Variants in CLCN4 observed in about 807,000 individuals in gnomAD.
CLCN4 encodes H(+)/Cl(-) exchange transporter 4.
Under a neutral mutation model 41.7 loss-of-function variants are expected in CLCN4, and 1 was observed. The ratio of observed to expected loss-of-function variants is 0.02; its 90% CI spans 0.01 to 0.11. The LOEUF is 0.11. Among genes scored for constraint, CLCN4 ranks in the 10% least tolerant of loss-of-function variants. CLCN4 has a pLI of 1.00. For synonymous variants in CLCN4, 277 were observed against 285.8 expected, an observed-to-expected ratio of 0.97 and a Z score of 0.31; for missense variants, 287 against 661.0, an observed-to-expected ratio of 0.43 and a Z score of 6.20.
At position 10,173,461 on chromosome X, in the gene CLCN4, G is replaced by T. The variant is rs1039298692; in HGVS notation, c.-11-11561G>T. ...TTTCTGAATGCTCCCACGTGGTTCGGCTGCGCACCCCGGGCTGGGAACCGT... is the reference window on the plus strand; with the variant it reads ...TTTCTGAATGCTCCCACGTGGTTCGTCTGCGCACCCCGGGCTGGGAACCGT... On this transcript the variant is annotated intron_variant, in intron 2 of 12. Coordinates refer to ENST00000380833, the MANE Select transcript of CLCN4 (RefSeq NM_001830.4). 2.7e-5 allele frequency among the ~76,000 whole-genome samples: 3 copies of T among 110,693 alleles called. No homozygotes were observed. The South Asian group carries it at 1.2e-3, about 43-fold the overall frequency.
intron 2 of CLCN4, among the ~76,000 whole-genome samples, chrX:10,182,456 C>T (rs1172053861): frequency 4.4e-5 from 5 of 112,378 alleles, no homozygotes; most frequent in Admixed American, 9.4e-5. Flanking sequence ...GATGGAGTCT[C>T]GCTCTGTCGC....
intron 12 of CLCN4, among the ~76,000 whole-genome samples, chrX:10,221,234 A>G (rs1924853259): frequency 8.9e-6 from 1 of 111,910 alleles, no homozygotes. Context: ...GCGGTCCTCA[A>G]AATCACAGCA....
At chrX:10,230,222 G>A (rs1925093748) in intron 12 of CLCN4, among the ~76,000 whole-genome samples, 1 of 111,468 alleles carries the variant, frequency 9.0e-6, no homozygotes, top group Admixed American at 9.5e-5. Context: ...TCTTCACTTT[G>A]TTGATTGGGA....
intron 2 of CLCN4, among the ~76,000 whole-genome samples, chrX:10,168,226 C>A (rs1923297608): frequency 8.9e-6 from 1 of 112,029 alleles, no homozygotes; most frequent in South Asian, 3.7e-4. Context: ...TCCCCAAATG[C>A]CAGTGGGGTT....
chrX:10,178,968 A>G (rs1198657955), intron 2 of CLCN4, among the ~76,000 whole-genome samples: 1 of 112,523 alleles, frequency 8.9e-6, no homozygotes. Context: ...CTAGATGTTA[A>G]GGGCCATAAT....
At chrX:10,199,095 A>C (rs1924170885) in intron 6 of CLCN4, among the ~76,000 whole-genome samples, 1 of 112,631 alleles carries the variant, frequency 8.9e-6, no homozygotes, top group South Asian at 3.6e-4. Flanking sequence ...TGTCATGCTG[A>C]ATTTTTGATG....
chrX:10,160,480 C>T (rs751482861), intron 2 of CLCN4, among the ~76,000 whole-genome samples: 7 of 110,126 alleles, frequency 6.4e-5, no homozygotes, highest in Middle Eastern at 4.6e-3. Flanking sequence ...GGAAACCTGC[C>T]GGGGCTTCGT....
rs193184048 is a variant in CLCN4, at chrX:10,223,874, T to C, written c.2192+2997T>C. Among the ~76,000 whole-genome samples the C allele has an allele frequency of 6.4e-4, 72 of 112,296 alleles. No individual in the cohort carries two copies. In the East Asian group the frequency reaches 7.3e-3, roughly 11 times the overall value. ...GATAGCTTTCGCAGAAGAGCCCAGCTGCTCGAATTTGAATTATGTCCTTGG... is the reference window on the plus strand; with the variant it reads ...GATAGCTTTCGCAGAAGAGCCCAGCCGCTCGAATTTGAATTATGTCCTTGG... On this transcript the variant is annotated intron_variant, in intron 12 of 12. Coordinates refer to ENST00000380833, the MANE Select transcript of CLCN4 (RefSeq NM_001830.4).
chrX:10,216,918 T>TATATATATATATATATATATATATAC (rs773265490), intron 11 of CLCN4, among the ~76,000 whole-genome samples: 34 of 38,925 alleles, frequency 8.7e-4, no homozygotes, highest in Non-Finnish European at 1.2e-3. Context: ...TATATATATA[T>TATATATATATATATATATATATATAC]ACACACACAC....
At chrX:10,233,328 A>G (rs1925169930) in intron 12 of CLCN4, among the ~76,000 whole-genome samples, 166 bp from the exon 13 acceptor site, 1 of 111,966 alleles carries the variant, frequency 8.9e-6, no homozygotes, top group Non-Finnish European at 1.9e-5. Context: ...ACTTCCACCC[A>G]CAGGCATTGG....
In CLCN4 at chrX:10,234,870, C is replaced by G. The variant is rs1925213002; in HGVS notation, c.*1286C>G. Reference sequence around the variant, plus strand: ...GTCTTTTCTGCGGGAAGGAATTAAGCTATGTATTAGGTCCACCATACGATC... The same window carrying G: ...GTCTTTTCTGCGGGAAGGAATTAAGGTATGTATTAGGTCCACCATACGATC... On this transcript the variant is annotated 3_prime_UTR_variant, in exon 13 of 13. Coordinates refer to ENST00000380833, the MANE Select transcript of CLCN4 (RefSeq NM_001830.4). The G allele has an allele frequency of 8.9e-6, 1 of 112,241 alleles. No individual in the cohort carries two copies. The highest frequency in any genetic ancestry group is 1.9e-5 in the Non-Finnish European group (1 of 53,251). 9.2% of individuals were successfully genotyped at this position (112,241 alleles called of 1,213,427 possible). A position where few individuals can be genotyped will look rare whatever the true frequency, so the allele number is the denominator to read the frequency against.
rs751346088 is a variant in CLCN4 at position 10,234,772 on chromosome X, A to G, written c.*1188A>G. ...ACAGGAGGACAGCATTAAATTTTAT[A>G]TAGCCAATTTGGGCACTGGGCATCT... On this transcript the variant is annotated 3_prime_UTR_variant, in exon 13 of 13. Coordinates refer to ENST00000380833, the MANE Select transcript of CLCN4 (RefSeq NM_001830.4). 2 of 112,787 alleles carry G rather than the reference A, an allele frequency of 1.8e-5. No individual in the cohort carries two copies. The highest frequency in any genetic ancestry group is 2.8e-4 in the East Asian group (1 of 3,600). 9.3% of individuals were successfully genotyped at this position (112,787 alleles called of 1,213,427 possible). A position where few individuals can be genotyped will look rare whatever the true frequency, so the allele number is the denominator to read the frequency against.
At chrX:10,231,064 C>CT (rs1441880885) in intron 12 of CLCN4, among the ~76,000 whole-genome samples, 18 of 112,023 alleles carry the variant, frequency 1.6e-4, no homozygotes, top group African/African-American at 5.8e-4. Context: ...ATAGTTTAGC[C>CT]TTTTCCAGAA....
At position 10,201,417 on chromosome X, in the gene CLCN4, A is replaced by G. The variant is rs147150420; in HGVS notation, c.555+3356A>G. ...GCAGTAGCAAAGTCTTCATGTTACT[A>G]TAGTAGAGCTGGAAATTCTTAACAT... On this transcript the variant is annotated intron_variant, in intron 6 of 12. Transcript: ENST00000380833. Among the ~76,000 whole-genome samples the G allele has an allele frequency of 5.1e-3, 578 of 112,426 alleles. 6 individuals carry two copies. The highest frequency in any genetic ancestry group is 0.018 in the African/African-American group (564 of 30,978).
At chrX:10,193,961 GT>G (rs35321602) in intron 4 of CLCN4, among the ~76,000 whole-genome samples, 44,617 of 99,261 alleles carry the variant, frequency 0.45, 8,572 homozygotes, top group Non-Finnish European at 0.57. Flanking sequence ...AACAGGGAGG[GT>G]TTTTTTTTTT....
chrX:10,218,021 G>A (rs1417014903), intron 11 of CLCN4, among the ~76,000 whole-genome samples: 1 of 111,660 alleles, frequency 9.0e-6, no homozygotes, highest in Non-Finnish European at 1.9e-5. Flanking sequence ...GGGATTACAG[G>A]CATGAGCCAC....
At chrX:10,210,821 TA>T (rs1390939689) in intron 9 of CLCN4, among the ~76,000 whole-genome samples, 2 of 107,158 alleles carry the variant, frequency 1.9e-5, no homozygotes, top group African/African-American at 6.8e-5. Flanking sequence ...CTGATTTTTG[TA>T]TTTTTTGTAG....
intron 12 of CLCN4, among the ~76,000 whole-genome samples, chrX:10,228,684 T>C (rs948318675): frequency 1.8e-5 from 2 of 111,218 alleles, no homozygotes; most frequent in African/African-American, 3.3e-5. Context: ...TGGCTGGGAG[T>C]AATAGTCAAA....
intron 6 of CLCN4, among the ~76,000 whole-genome samples, chrX:10,205,425 A>T (rs1214551575): frequency 2.0e-5 from 2 of 98,001 alleles, no homozygotes; most frequent in Non-Finnish European, 2.0e-5. Flanking sequence ...GTGAGCCGAG[A>T]CCGCACCACT....
Sources: allele counts gnomAD v4.1 joint callset (sites outside exome capture counted in the v4.1 genomes callset), GRCh38; gene constraint gnomAD v4.1.1; transcripts MANE v1.5; gene names NCBI Gene and HGNC (gene_info 2026-07-23, HGNC 2026-07-21).